The following ARHGEF10L variants were observed in gnomAD, a reference collection of about 807,000 sequenced individuals.
The protein encoded by ARHGEF10L is rho guanine nucleotide exchange factor 10-like protein.
A neutral mutation model predicts 141.2 loss-of-function variants in ARHGEF10L; 69 were observed. That is an observed-to-expected ratio of 0.49 (90% CI 0.40 to 0.60). The LOEUF (loss-of-function observed/expected upper bound fraction) is 0.60. Among genes scored for constraint, ARHGEF10L ranks in the 20% least tolerant of loss-of-function variants. The pLI, the probability that ARHGEF10L is intolerant of heterozygous loss-of-function variation, is 0.00. For synonymous variants in ARHGEF10L, 711 were observed against 718.5 expected, an observed-to-expected ratio of 0.99 and a Z score of 0.17; for missense variants, 1,482 against 1,734.3, an observed-to-expected ratio of 0.85 and a Z score of 2.58.
chr1:17,540,370 C>A (rs1183095600), intron 1 of ARHGEF10L, among the ~76,000 whole-genome samples: 2 of 151,854 alleles, frequency 1.3e-5, no homozygotes, highest in East Asian at 3.9e-4. Flanking sequence ...CCTGTCGCCT[C>A]TGTGGTGAGT....
chr1:17,548,316 A>T (rs1239858952), intron 1 of ARHGEF10L, among the ~76,000 whole-genome samples: 1 of 152,178 alleles, frequency 6.6e-6, no homozygotes, highest in African/African-American at 2.4e-5. Context: ...AAGAAATGAA[A>T]ATCCAAAGAG....
In ARHGEF10L at chr1:17,589,227, A is replaced by C. The variant is rs529511515; in HGVS notation, c.257+748A>C. Reference sequence around the variant, plus strand: ...CTCGTGGTAGGTGCCTAATCAAGGCATTTGCTTTTTATCACAGTTCTTCTT... The same window carrying C: ...CTCGTGGTAGGTGCCTAATCAAGGCCTTTGCTTTTTATCACAGTTCTTCTT... On this transcript the variant is annotated intron_variant, in intron 4 of 28. Coordinates refer to ENST00000361221, the MANE Select transcript of ARHGEF10L (RefSeq NM_018125.4). 8.5e-5 allele frequency among the ~76,000 whole-genome samples: 13 copies of C among 152,232 alleles called. No individual in the cohort carries two copies. In the East Asian group the frequency reaches 2.3e-3, roughly 27 times the overall value.
At chr1:17,586,237 T>G (rs1458027647) in intron 2 of ARHGEF10L, among the ~76,000 whole-genome samples, 3 of 152,186 alleles carry the variant, frequency 2.0e-5, no homozygotes, top group Non-Finnish European at 2.9e-5. Flanking sequence ...AAAGTGCTGT[T>G]TTTATTCTCC....
At chr1:17,542,201 C>T (rs552477348) in intron 1 of ARHGEF10L, among the ~76,000 whole-genome samples, 41 of 152,076 alleles carry the variant, frequency 2.7e-4, no homozygotes, top group African/African-American at 9.6e-4. Context: ...GTAATCCCAG[C>T]ACTTTAGGAG....
At chr1:17,587,846 C>T (rs2079157960) in intron 3 of ARHGEF10L, among the ~76,000 whole-genome samples, 1 of 152,250 alleles carries the variant, frequency 6.6e-6, no homozygotes, top group African/African-American at 2.4e-5. Context: ...ACATCTGGCG[C>T]ACTTTGGCAC....
At chr1:17,529,824 C>CTTT in the ARHGEF10L span, among the ~76,000 whole-genome samples, 75 of 67,178 alleles carry the variant, frequency 1.1e-3, no homozygotes, top group East Asian at 2.3e-3. Flanking sequence ...ACACATCAGT[C>CTTT]TTTTTTTTTT....
intron 8 of ARHGEF10L, among the ~76,000 whole-genome samples, chr1:17,613,431 A>G (rs899358522): frequency 1.3e-5 from 2 of 152,188 alleles, no homozygotes; most frequent in Non-Finnish European, 2.9e-5. Context: ...ATAGTCCACA[A>G]GAATTCCCAG....
At chr1:17,543,294 A>G (rs118170260) in intron 1 of ARHGEF10L, among the ~76,000 whole-genome samples, 22 of 152,208 alleles carry the variant, frequency 1.4e-4, no homozygotes, top group African/African-American at 5.3e-4. Context: ...ATTATAAAAA[A>G]TTCTGAGGCC....
chr1:17,603,666 T>G lies in ARHGEF10L; in HGVS notation c.433+75T>G. ...GGCTGGGACTGGGGAGGGTTGTCTC[T>G]TTCCGTTTCCTTCTGTCCCCACCTG... On this transcript the variant is annotated intron_variant, in intron 6 of 28. Coordinates refer to ENST00000361221, the MANE Select transcript of ARHGEF10L (RefSeq NM_018125.4). The surrounding 1 kb of genome is among the most constrained non-coding windows in gnomAD (Gnocchi z 4.8). 7.3e-7 allele frequency: 1 copy of G among 1,363,480 alleles called. No homozygotes were observed. Among genetic ancestry groups the G allele is most frequent in the Non-Finnish European group, 1.0e-6 (1 of 999,082 alleles). The allele number at this position is 1,363,480 out of a possible 1,614,324, so 84.5% of individuals were successfully genotyped here.
chr1:17,676,888 G>A (rs1051428166), intron 26 of ARHGEF10L, among the ~76,000 whole-genome samples: 24 of 151,800 alleles, frequency 1.6e-4, no homozygotes, highest in Admixed American at 9.2e-4. Context: ...TGGTCACTCT[G>A]ACTTCCTGCC....
At chr1:17,553,888 A>AT (rs2077205125) in intron 1 of ARHGEF10L, among the ~76,000 whole-genome samples, 1 of 152,126 alleles carries the variant, frequency 6.6e-6, no homozygotes, top group Non-Finnish European at 1.5e-5. Context: ...ATCATGAATT[A>AT]TTTTTTTGCC....
intron 27 of ARHGEF10L, chr1:17,694,439 C>T (rs1047879264): frequency 6.0e-6 from 1 of 166,112 alleles, no homozygotes; most frequent in African/African-American, 2.4e-5. Context: ...CTGGCATCCT[C>T]TCTGTTAGGA....
intron 18 of ARHGEF10L, 34 bp from the exon 19 acceptor site, chr1:17,637,854 C>T: frequency 6.5e-7 from 1 of 1,542,662 alleles, no homozygotes; most frequent in Non-Finnish European, 8.8e-7. Flanking sequence ...TTAGCGCCTT[C>T]ACCTGTGCCT....
At chr1:17,689,948 C>A in intron 27 of ARHGEF10L, 1 of 421,848 alleles carries the variant, frequency 2.4e-6, no homozygotes, top group Non-Finnish European at 4.7e-6. Context: ...GTTTCACATG[C>A]ACCTTCACGC....
chr1:17,602,338 G>A, intron 5 of ARHGEF10L, 120 bp downstream of exon 5: 2 of 1,172,564 alleles, frequency 1.7e-6, no homozygotes, highest in East Asian at 2.6e-5. Flanking sequence ...CCTCACCGGG[G>A]GCTTCTGTGG....
chr1:17,696,733 C>A, intron 28 of ARHGEF10L, 115 bp from the exon 29 acceptor site: 2 of 1,128,824 alleles, frequency 1.8e-6, no homozygotes, highest in Non-Finnish European at 2.4e-6. Flanking sequence ...CCAACATAGA[C>A]AGAAGTGACC....
chr1:17,590,480 G>A (rs529896256), intron 4 of ARHGEF10L, among the ~76,000 whole-genome samples: 2 of 152,290 alleles, frequency 1.3e-5, no homozygotes, highest in South Asian at 4.2e-4. Context: ...GATCTTGTGA[G>A]GGCGGAGGGG....
chr1:17,568,875 C>G (rs1048969988), intron 1 of ARHGEF10L, among the ~76,000 whole-genome samples: 2 of 152,136 alleles, frequency 1.3e-5, no homozygotes, highest in Non-Finnish European at 2.9e-5. Context: ...ATGATTGAAG[C>G]CATCCCTCCC....
chr1:17,691,105 C>T (rs1371544968), intron 27 of ARHGEF10L: 1 of 455,178 alleles, frequency 2.2e-6, no homozygotes, highest in Non-Finnish European at 4.4e-6. Context: ...TAAACTCCCT[C>T]CTCCTTTTAA....
Sources: gnomAD v4.1 joint callset for allele counts (sites outside exome capture counted in the v4.1 genomes callset) on GRCh38, gnomAD v4.1.1 for gene constraint, Gnocchi (gnomAD v3.1) non-coding constraint, MANE v1.5 for transcripts, NCBI Gene and HGNC (gene_info 2026-07-23, HGNC 2026-07-21) for gene names.